MACROD2: variants seen among roughly 807,000 people sequenced by gnomAD.
MACROD2 encodes ADP-ribose glycohydrolase MACROD2.
MACROD2 carries 36 observed loss-of-function variants against 70.4 expected under a neutral mutation model. The ratio of observed to expected loss-of-function variants is 0.51; its 90% CI spans 0.39 to 0.68. The LOEUF is 0.68. Ranked by LOEUF, MACROD2 falls within the 30% of genes least tolerant of loss-of-function variation. MACROD2 has a pLI of 0.00. For missense variants in MACROD2, 496 were observed against 538.4 expected, an observed-to-expected ratio of 0.92 and a Z score of 0.78; for synonymous variants, 172 against 178.8, an observed-to-expected ratio of 0.96 and a Z score of 0.30.
At chr20:15,510,291 A>G (rs1321499151) in intron 8 of MACROD2, among the ~76,000 whole-genome samples, 1 of 152,208 alleles carries the variant, frequency 6.6e-6, no homozygotes, top group African/African-American at 2.4e-5. Context: ...ACTGAAGGAC[A>G]TTCTAACAAC....
At position 14,243,723 on chromosome 20, in the gene MACROD2, G is replaced by A. The variant is rs867239050; in HGVS notation, c.271+157995G>A. Among the ~76,000 whole-genome samples the A allele has an allele frequency of 3.9e-5, 6 of 152,106 alleles. No individual in the cohort carries two copies. The South Asian group carries it at 6.2e-4, about 16-fold the overall frequency. On this transcript the variant is annotated intron_variant, in intron 3 of 17. Coordinates refer to ENST00000684519, the MANE Select transcript of MACROD2 (RefSeq NM_001351661.2). ...ATTCACCGCTTTCATGGGAAACCAA[G>A]GCTGTTTTGAACAACATATGATAGA...
chr20:14,820,661 G>T (rs140348881), intron 5 of MACROD2, among the ~76,000 whole-genome samples: 2 of 152,050 alleles, frequency 1.3e-5, no homozygotes, highest in Non-Finnish European at 2.9e-5. Flanking sequence ...TCATTAGCCA[G>T]TTAGTTACAT....
chr20:14,202,860 C>T (rs1172759687), intron 3 of MACROD2, among the ~76,000 whole-genome samples: 1 of 152,126 alleles, frequency 6.6e-6, no homozygotes, highest in East Asian at 1.9e-4. Flanking sequence ...ACCAGCCTGA[C>T]CAACATAGTG....
chr20:14,783,875 C>T (rs993289554), intron 5 of MACROD2, among the ~76,000 whole-genome samples: 1 of 152,096 alleles, frequency 6.6e-6, no homozygotes, highest in African/African-American at 2.4e-5. Context: ...GCTACTTTTA[C>T]CCAACTATTG....
At chr20:15,666,673 T>G (rs1200945793) in intron 8 of MACROD2, among the ~76,000 whole-genome samples, 2 of 152,214 alleles carry the variant, frequency 1.3e-5, no homozygotes, top group Non-Finnish European at 2.9e-5. Context: ...ATATTTTCCA[T>G]GTGCAAGGCA....
chr20:14,486,262 T>C (rs1172968645), intron 3 of MACROD2, among the ~76,000 whole-genome samples: 1 of 152,140 alleles, frequency 6.6e-6, no homozygotes, highest in Non-Finnish European at 1.5e-5. Flanking sequence ...GGTGACCTTC[T>C]TTCAAGGGAC....
intron 8 of MACROD2, among the ~76,000 whole-genome samples, chr20:15,587,289 C>G (rs1045250775): frequency 6.6e-6 from 1 of 152,170 alleles, no homozygotes; most frequent in Non-Finnish European, 1.5e-5. Flanking sequence ...AGACCAGCCC[C>G]CATGATTCAA....
In MACROD2 at chr20:15,309,700, T is replaced by C. The variant is rs191749156; in HGVS notation, c.540+79639T>C. On this transcript the variant is annotated intron_variant, in intron 6 of 17. Coordinates refer to ENST00000684519, the MANE Select transcript of MACROD2 (RefSeq NM_001351661.2). ...TCTCTGCCTTAGGAGGAAACAGACA[T>C]GAGACAAATAAAATATTATAATATT... 2.4e-4 allele frequency among the ~76,000 whole-genome samples: 36 copies of C among 152,168 alleles called. No individual in the cohort carries two copies. The East Asian group carries it at 3.3e-3, about 14-fold the overall frequency.
intron 3 of MACROD2, among the ~76,000 whole-genome samples, chr20:14,116,540 A>T (rs561120826): frequency 1.3e-5 from 2 of 152,262 alleles, no homozygotes; most frequent in East Asian, 3.9e-4. Context: ...TTTTTAATGC[A>T]ATTTTTTTCT....
chr20:15,112,973 TG>T, intron 5 of MACROD2, among the ~76,000 whole-genome samples: 1 of 151,392 alleles, frequency 6.6e-6, no homozygotes, highest in Admixed American at 6.6e-5. Context: ...TGTGTGTGTG[TG>T]TGTGTGTTTG....
chr20:15,013,432 G>A (rs894413148), intron 5 of MACROD2, among the ~76,000 whole-genome samples: 1 of 152,144 alleles, frequency 6.6e-6, no homozygotes, highest in African/African-American at 2.4e-5. Flanking sequence ...TAAAGGACTT[G>A]TTCCCCAGCA....
intron 5 of MACROD2, among the ~76,000 whole-genome samples, chr20:15,166,881 AAATTTAAGTATTAAGTATT>A (rs1478672087): frequency 6.6e-6 from 1 of 150,746 alleles, no homozygotes; most frequent in Non-Finnish European, 1.5e-5. Context: ...TTAACTTATT[AAATTTAAGTATTAAGTATT>A]AATTTAAGTA....
rs569734693 is a variant in MACROD2 at position 14,292,620 on chromosome 20, A to G, written c.272-200859A>G. ...GGTGAAAAAAACTAAAAGCTCATTC[A>G]TTCATTCATGCTTTTTGTTTTGTTT... On this transcript the variant is annotated intron_variant, in intron 3 of 17. Coordinates refer to ENST00000684519, the MANE Select transcript of MACROD2 (RefSeq NM_001351661.2). 3.3e-5 allele frequency among the ~76,000 whole-genome samples: 5 copies of G among 151,904 alleles called. No homozygotes were observed. In the East Asian group the frequency reaches 9.7e-4, roughly 29 times the overall value.
chr20:14,479,213 G>A (rs1026446621), intron 3 of MACROD2, among the ~76,000 whole-genome samples: 1 of 152,072 alleles, frequency 6.6e-6, no homozygotes, highest in African/African-American at 2.4e-5. Context: ...ATTCCCCAGT[G>A]CCTGTGCTCC....
chr20:15,590,641 G>C (rs562484699), intron 8 of MACROD2, among the ~76,000 whole-genome samples: 7 of 152,256 alleles, frequency 4.6e-5, no homozygotes, highest in Admixed American at 3.3e-4. Flanking sequence ...CCAGCACTTT[G>C]GGAGGCCGAG....
intron 12 of MACROD2, among the ~76,000 whole-genome samples, chr20:15,954,085 A>C (rs1601204658): frequency 6.6e-6 from 1 of 152,158 alleles, no homozygotes; most frequent in African/African-American, 2.4e-5. Flanking sequence ...TATATAAGTC[A>C]AAGTTCAGGG....
intron 5 of MACROD2, among the ~76,000 whole-genome samples, chr20:14,806,479 A>G (rs1260679292): frequency 6.6e-6 from 1 of 151,924 alleles, no homozygotes; most frequent in East Asian, 1.9e-4. Context: ...CTATACCACC[A>G]GGGCCCTGGG....
intron 10 of MACROD2, among the ~76,000 whole-genome samples, chr20:15,928,223 A>G (rs924711653): frequency 3.9e-5 from 6 of 152,218 alleles, no homozygotes; most frequent in Non-Finnish European, 8.8e-5. Flanking sequence ...CTTACTCTCA[A>G]ATGGTTCAGG....
At chr20:15,482,152 C>T (rs1460825594) in intron 7 of MACROD2, among the ~76,000 whole-genome samples, 1 of 152,192 alleles carries the variant, frequency 6.6e-6, no homozygotes, top group Non-Finnish European at 1.5e-5. Flanking sequence ...CCCAGGCTTT[C>T]TCTCTTAAAC....
Sources: gnomAD v4.1 joint callset for allele counts (sites outside exome capture counted in the v4.1 genomes callset) on GRCh38, gnomAD v4.1.1 for gene constraint, MANE v1.5 for transcripts, NCBI Gene and HGNC (gene_info 2026-07-23, HGNC 2026-07-21) for gene names.